The following COMMD7 variants were observed in gnomAD, a reference collection of about 807,000 sequenced individuals.
The protein encoded by COMMD7 is COMM domain containing 7, also known as COMM domain-containing protein 7.
A neutral mutation model predicts 34.8 loss-of-function variants in COMMD7; 28 were observed. The ratio of observed to expected loss-of-function variants is 0.80; its 90% CI spans 0.60 to 1.10. COMMD7 has a LOEUF of 1.10. Ranked by LOEUF, COMMD7 falls within the 50% of genes least tolerant of loss-of-function variation. COMMD7 has a pLI of 0.00. For missense variants in COMMD7, 211 were observed against 241.6 expected (o/e 0.87, Z 0.84); for synonymous variants, 80 against 86.4 (o/e 0.93, Z 0.41).
chr20:32,741,320 T>G (rs1308413796), intron 1 of COMMD7, among the ~76,000 whole-genome samples: 1 of 151,752 alleles, frequency 6.6e-6, no homozygotes, highest in Non-Finnish European at 1.5e-5. Context: ...TGGGCTCAAG[T>G]GATCCTCCTG....
chr20:32,718,328 C>T (rs1383658268), intron 3 of COMMD7, among the ~76,000 whole-genome samples: 6 of 151,824 alleles, frequency 4.0e-5, no homozygotes, highest in South Asian at 2.1e-4. Context: ...GGCGTGAACC[C>T]GGGAGGCAGA....
At chr20:32,716,475 C>T (rs1456796932) in intron 3 of COMMD7, among the ~76,000 whole-genome samples, 2 of 151,994 alleles carry the variant, frequency 1.3e-5, no homozygotes, top group East Asian at 1.9e-4. Flanking sequence ...ATTAGCCAGG[C>T]GTGGTGGCAG....
At chr20:32,737,836 T>TAA (rs1404940011) in intron 1 of COMMD7, among the ~76,000 whole-genome samples, 1 of 49,998 alleles carries the variant, frequency 2.0e-5, no homozygotes, top group Non-Finnish European at 5.5e-5. Flanking sequence ...AGGTCCTGTC[T>TAA]TAAAAAAAAA....
intron 1 of COMMD7, among the ~76,000 whole-genome samples, 170 bp downstream of exon 1, chr20:32,743,138 G>A (rs192635178): frequency 6.6e-6 from 1 of 152,098 alleles, no homozygotes; most frequent in African/African-American, 2.4e-5. Flanking sequence ...TCAGACCCCA[G>A]CTCACCTTAG....
chr20:32,739,185 G>A (rs1986296462), intron 1 of COMMD7, among the ~76,000 whole-genome samples: 1 of 152,118 alleles, frequency 6.6e-6, no homozygotes, highest in African/African-American at 2.4e-5. Context: ...AATAATAAGT[G>A]GCTGGGTGCA....
At chr20:32,725,189 G>A (rs1266028119) in intron 3 of COMMD7, among the ~76,000 whole-genome samples, 5 of 151,870 alleles carry the variant, frequency 3.3e-5, no homozygotes, top group Admixed American at 6.6e-5. Context: ...AAGAATGAAG[G>A]TGATGTGGAA....
At chr20:32,707,975 CA>C (rs1334273277) in intron 3 of COMMD7, among the ~76,000 whole-genome samples, 4 of 152,134 alleles carry the variant, frequency 2.6e-5, no homozygotes, top group Non-Finnish European at 5.9e-5. Flanking sequence ...GATTACAGAC[CA>C]TTTACATCTG....
intron 3 of COMMD7, among the ~76,000 whole-genome samples, chr20:32,720,785 C>CA (rs1985104878): frequency 6.6e-6 from 1 of 151,996 alleles, no homozygotes. Context: ...GACCTTGTCC[C>CA]AAAATAAATA....
intron 1 of COMMD7, 78 bp from the exon 2 acceptor site, chr20:32,728,220 G>A (rs1422580801): frequency 7.5e-7 from 1 of 1,341,804 alleles, no homozygotes; most frequent in Admixed American, 1.7e-5. Context: ...CAACTGCATA[G>A]CCTTGAGAGG....
intron 3 of COMMD7, among the ~76,000 whole-genome samples, chr20:32,720,450 G>A (rs1008635387): frequency 2.0e-5 from 3 of 151,552 alleles, no homozygotes; most frequent in Non-Finnish European, 4.4e-5. Context: ...AGCCGAGATC[G>A]AGCCATTGCA....
rs1295085007 is a variant in COMMD7, at chr20:32,703,189, A to G, written c.*193T>C. On this transcript the variant is annotated 3_prime_UTR_variant, in exon 9 of 9. Transcript: ENST00000278980. ...GTGGTTGCCCTAACAGAGAGTTTACAGGGTAATTGTGTTGGGCTCTTTCAG... is the reference window on the plus strand; with the variant it reads ...GTGGTTGCCCTAACAGAGAGTTTACGGGGTAATTGTGTTGGGCTCTTTCAG... 2.2e-6 allele frequency: 1 copy of G among 463,634 alleles called. No homozygotes were observed. The highest frequency in any genetic ancestry group is 3.8e-6 in the Non-Finnish European group (1 of 261,868). The allele number at this position is 463,634 out of a possible 1,614,324, so 28.7% of individuals were successfully genotyped here. A position where few individuals can be genotyped will look rare whatever the true frequency, so the allele number is the denominator to read the frequency against.
chr20:32,720,378 C>T (rs1428684088), intron 3 of COMMD7, among the ~76,000 whole-genome samples: 3 of 152,086 alleles, frequency 2.0e-5, no homozygotes, highest in Admixed American at 6.6e-5. Flanking sequence ...GCCTGTAATC[C>T]CAGCTACTCG....
intron 3 of COMMD7, among the ~76,000 whole-genome samples, chr20:32,711,459 A>ACAGT (rs1240842846): frequency 2.0e-5 from 3 of 152,008 alleles, no homozygotes; most frequent in Non-Finnish European, 4.4e-5. Flanking sequence ...CAAGGCCACA[A>ACAGT]CAGTCAGCAA....
At chr20:32,734,709 C>T (rs773883602) in intron 1 of COMMD7, among the ~76,000 whole-genome samples, 1 of 152,064 alleles carries the variant, frequency 6.6e-6, no homozygotes, top group Non-Finnish European at 1.5e-5. Flanking sequence ...TGGCAGATCA[C>T]CTAAGGTCAG....
intron 1 of COMMD7, 75 bp downstream of exon 1, chr20:32,743,233 G>T: frequency 6.4e-6 from 5 of 775,600 alleles, no homozygotes; most frequent in Non-Finnish European, 9.8e-6. Context: ...CGCACCCCCG[G>T]ACGTCCCCCC....
intron 3 of COMMD7, among the ~76,000 whole-genome samples, chr20:32,726,636 G>A (rs1985528290): frequency 6.6e-6 from 1 of 152,128 alleles, no homozygotes; most frequent in Admixed American, 6.6e-5. Context: ...CCAGGAAGTG[G>A]AGGTTGCGGT....
intron 3 of COMMD7, among the ~76,000 whole-genome samples, chr20:32,726,896 G>C (rs929593761): frequency 3.9e-5 from 6 of 152,200 alleles, no homozygotes; most frequent in Non-Finnish European, 8.8e-5. Flanking sequence ...ATAGGAAAGT[G>C]CTGAACAGAA....
chr20:32,723,048 T>TA (rs1258684125), intron 3 of COMMD7, among the ~76,000 whole-genome samples: 14 of 57,180 alleles, frequency 2.4e-4, no homozygotes, highest in African/African-American at 7.4e-4. Context: ...AATAAATAAA[T>TA]AATAATAATA....
At chr20:32,726,234 T>C (rs1384364375) in intron 3 of COMMD7, among the ~76,000 whole-genome samples, 2 of 151,496 alleles carry the variant, frequency 1.3e-5, no homozygotes, top group Non-Finnish European at 2.9e-5. Flanking sequence ...CTACTAAAAA[T>C]TCAAAAATTA....
Sources: allele counts gnomAD v4.1 joint callset (sites outside exome capture counted in the v4.1 genomes callset), GRCh38; gene constraint gnomAD v4.1.1; transcripts MANE v1.5; gene names NCBI Gene and HGNC (gene_info 2026-07-23, HGNC 2026-07-21).